ATRNL1: variants seen among roughly 807,000 people sequenced by gnomAD.
The protein encoded by ATRNL1 is attractin like 1.
ATRNL1 carries 95 observed loss-of-function variants against 182.7 expected under a neutral mutation model. The ratio of observed to expected loss-of-function variants is 0.52; its 90% CI spans 0.44 to 0.62. ATRNL1 has a LOEUF of 0.62. Among genes scored for constraint, ATRNL1 ranks in the 20% least tolerant of loss-of-function variants. The pLI, the probability that ATRNL1 is intolerant of heterozygous loss-of-function variation, is 0.00. For synonymous variants in ATRNL1, 576 were observed against 568.3 expected, an observed-to-expected ratio of 1.01 and a Z score of -0.19; for missense variants, 1,471 against 1,679.5, an observed-to-expected ratio of 0.88 and a Z score of 2.17.
intron 23 of ATRNL1, among the ~76,000 whole-genome samples, chr10:115,467,705 G>A (rs548309246): frequency 7.2e-4 from 109 of 150,544 alleles, no homozygotes; most frequent in African/African-American, 2.5e-3. Context: ...AACCCCTCTT[G>A]TCAGCTTCAG....
intron 10 of ATRNL1, among the ~76,000 whole-genome samples, chr10:115,242,320 C>T (rs1554903138): frequency 6.6e-6 from 1 of 151,836 alleles, no homozygotes; most frequent in Non-Finnish European, 1.5e-5. Context: ...ATACAATTCA[C>T]CTAATTTTAG....
At chr10:115,542,593 T>C (rs1852422917) in intron 25 of ATRNL1, among the ~76,000 whole-genome samples, 1 of 152,176 alleles carries the variant, frequency 6.6e-6, no homozygotes, top group African/African-American at 2.4e-5. Flanking sequence ...CGTAGTGTTA[T>C]GCATAGTCCA....
chr10:115,901,948 C>T (rs1410614890), intron 28 of ATRNL1, among the ~76,000 whole-genome samples: 1 of 152,082 alleles, frequency 6.6e-6, no homozygotes, highest in Admixed American at 6.5e-5. Flanking sequence ...GGAAAGATCT[C>T]AATGCTACCA....
At chr10:115,310,063 A>G (rs1188207226) in intron 17 of ATRNL1, among the ~76,000 whole-genome samples, 1 of 151,968 alleles carries the variant, frequency 6.6e-6, no homozygotes. Flanking sequence ...AATTATAAAG[A>G]TATGCTGGAT....
At chr10:115,318,908 C>A (rs1554930518) in intron 18 of ATRNL1, among the ~76,000 whole-genome samples, 1 of 151,906 alleles carries the variant, frequency 6.6e-6, no homozygotes, top group Non-Finnish European at 1.5e-5. Flanking sequence ...CTGCTCTAAT[C>A]TCAGTTATTT....
chr10:115,095,618 AAATT>A (rs1554862917), intron 1 of ATRNL1, among the ~76,000 whole-genome samples: 1 of 152,140 alleles, frequency 6.6e-6, no homozygotes, highest in African/African-American at 2.4e-5. Flanking sequence ...CTTTTTAAAA[AAATT>A]AGGAGAGATG....
At chr10:115,660,330 C>A (rs373345064) in intron 26 of ATRNL1, among the ~76,000 whole-genome samples, 41 of 151,866 alleles carry the variant, frequency 2.7e-4, no homozygotes, top group African/African-American at 9.9e-4. Context: ...TGATAGTCAA[C>A]GAAATAGAGA....
At chr10:115,846,048 A>C (rs1555098666) in intron 27 of ATRNL1, among the ~76,000 whole-genome samples, 1 of 152,076 alleles carries the variant, frequency 6.6e-6, no homozygotes, top group Non-Finnish European at 1.5e-5. Flanking sequence ...ATATCTATGT[A>C]CTTATGCTGA....
At chr10:115,367,240 A>T (rs1857095969) in intron 19 of ATRNL1, among the ~76,000 whole-genome samples, 1 of 112,806 alleles carries the variant, frequency 8.9e-6, no homozygotes, top group Non-Finnish European at 2.0e-5. Context: ...TTTTCTCTAA[A>T]CTTCCCTTCT....
intron 26 of ATRNL1, among the ~76,000 whole-genome samples, chr10:115,666,285 T>C (rs2133916939): frequency 6.6e-6 from 1 of 152,324 alleles, no homozygotes; most frequent in South Asian, 2.1e-4. Flanking sequence ...TATGATTAAC[T>C]GATAAAGTTT....
chr10:115,591,083 T>C (rs1855872247), intron 26 of ATRNL1, among the ~76,000 whole-genome samples: 1 of 152,210 alleles, frequency 6.6e-6, no homozygotes, highest in Admixed American at 6.5e-5. Flanking sequence ...TACTAGCACG[T>C]ACAAGATATG....
chr10:115,679,527 T>C lies in ATRNL1; in HGVS notation c.3796-47721T>C, dbSNP rs75472597. On this transcript the variant is annotated intron_variant, in intron 26 of 28. Coordinates refer to ENST00000355044, the MANE Select transcript of ATRNL1 (RefSeq NM_207303.4). ...CTCTCTAGACTCAGTGAGAGCTACA[T>C]TGGGACTATCTGACTTCTGCAGAAA... 4.7e-4 allele frequency among the ~76,000 whole-genome samples: 71 copies of C among 152,148 alleles called. No individual in the cohort carries two copies. The East Asian group carries it at 7.0e-3, about 15-fold the overall frequency.
rs1452584603 is a variant in ATRNL1 at position 115,366,399 on chromosome 10, A to G, written c.3176-28260A>G. On this transcript the variant is annotated intron_variant, in intron 19 of 28. Transcript: ENST00000355044. Reference sequence around the variant, plus strand: ...GATCTTCCTCCATCCTTTTATTTTGAGCCTATGTGTGTCTCTACACGTGAG... The same window carrying G: ...GATCTTCCTCCATCCTTTTATTTTGGGCCTATGTGTGTCTCTACACGTGAG... Among the ~76,000 whole-genome samples, 9 of 151,654 alleles carry G rather than the reference A, an allele frequency of 5.9e-5. No homozygotes were observed. In the South Asian group the frequency reaches 1.3e-3, roughly 21 times the overall value.
intron 28 of ATRNL1, among the ~76,000 whole-genome samples, chr10:115,920,812 G>A (rs751310142): frequency 9.9e-5 from 15 of 152,138 alleles, no homozygotes; most frequent in Admixed American, 2.6e-4. Context: ...CCAGTATTAC[G>A]TAGATATTAA....
chr10:115,308,857 GA>G (rs782747560), intron 17 of ATRNL1, among the ~76,000 whole-genome samples: 8 of 152,018 alleles, frequency 5.3e-5, no homozygotes, highest in Admixed American at 3.9e-4. Flanking sequence ...GAGTTTTCCT[GA>G]GGTTTCTTCC....
At chr10:115,609,676 G>GA (rs1592942251) in intron 26 of ATRNL1, among the ~76,000 whole-genome samples, 2 of 151,968 alleles carry the variant, frequency 1.3e-5, no homozygotes, top group Non-Finnish European at 2.9e-5. Flanking sequence ...CACAGTACCT[G>GA]AAAATAGGGA....
chr10:115,744,485 A>T (rs1223784315), intron 27 of ATRNL1, among the ~76,000 whole-genome samples: 6 of 152,108 alleles, frequency 3.9e-5, no homozygotes, highest in African/African-American at 1.4e-4. Context: ...CTTACTACAC[A>T]CTATTTCTCA....
At chr10:115,403,189 C>G (rs538484150) in intron 20 of ATRNL1, among the ~76,000 whole-genome samples, 1 of 148,748 alleles carries the variant, frequency 6.7e-6, no homozygotes, top group African/African-American at 2.5e-5. Context: ...GATTCTGGCA[C>G]ATACTAGGGA....
rs142774527 is a variant in ATRNL1 at position 115,143,361 on chromosome 10, C to T, written c.829+13826C>T. On this transcript the variant is annotated intron_variant, in intron 5 of 28. Transcript: ENST00000355044. ...CCTGCTCTCAATATAGCTAATTCTA[C>T]GTTTGTCATTTTCAGCTGATCAGAA... 8.2e-3 allele frequency among the ~76,000 whole-genome samples: 1,245 copies of T among 151,664 alleles called. 8 individuals are homozygous for T. Among genetic ancestry groups the T allele is most frequent in the Non-Finnish European group, 0.014 (963 of 67,954 alleles).
Sources: allele counts gnomAD v4.1 joint callset (sites outside exome capture counted in the v4.1 genomes callset), GRCh38; gene constraint gnomAD v4.1.1; transcripts MANE v1.5; gene names NCBI Gene and HGNC (gene_info 2026-07-23, HGNC 2026-07-21).